The following UBE2D2 variants were observed in gnomAD, a reference collection of about 807,000 sequenced individuals.
UBE2D2 encodes the protein ubiquitin-conjugating enzyme E2 D2.
UBE2D2 carries 2 observed loss-of-function variants against 24.2 expected under a neutral mutation model. That is an observed-to-expected ratio of 0.08 (90% CI 0.03 to 0.26). The LOEUF is 0.26. UBE2D2 is among the 10% of genes least tolerant of loss of function. The probability of loss-of-function intolerance (pLI) is 1.00; values close to 1 mark genes in which losing one functional copy is unlikely to be tolerated. For missense variants in UBE2D2, 44 were observed against 177.6 expected (o/e 0.25, Z 4.28); for synonymous variants, 58 against 56.5 (o/e 1.03, Z -0.12).
At chr5:139,604,140 C>CT (rs558742235) in intron 2 of UBE2D2, among the ~76,000 whole-genome samples, 1,729 of 140,290 alleles carry the variant, frequency 0.012, 21 homozygotes, top group African/African-American at 0.033. Context: ...ATTTTTAAAA[C>CT]TTTTTTTTTT....
intron 1 of UBE2D2, among the ~76,000 whole-genome samples, chr5:139,585,935 C>CAAAAA (rs60277561): frequency 7.0e-4 from 18 of 25,560 alleles, no homozygotes; most frequent in Admixed American, 1.4e-3. Context: ...GACTCTGTCT[C>CAAAAA]AAAAAAAAAA....
intron 5 of UBE2D2, among the ~76,000 whole-genome samples, chr5:139,615,515 G>A (rs1754404784): frequency 6.6e-6 from 1 of 151,996 alleles, no homozygotes; most frequent in Non-Finnish European, 1.5e-5. Context: ...ACACTGGTAT[G>A]AATGTTTTTT....
chr5:139,619,347 C>T (rs1031183333), intron 5 of UBE2D2, among the ~76,000 whole-genome samples: 8 of 148,430 alleles, frequency 5.4e-5, no homozygotes, highest in Non-Finnish European at 1.0e-4. Flanking sequence ...AGTGAGCCAA[C>T]ATCACACCAC....
Position 139,628,048 on chromosome 5 carries a change from G to C in UBE2D2, c.*1247G>C, listed in dbSNP as rs1754667398. The C allele has an allele frequency of 6.6e-6, 1 of 152,632 alleles. No individual in the cohort carries two copies. The highest frequency in any genetic ancestry group is 1.9e-4 in the East Asian group (1 of 5,202). 9.5% of individuals were successfully genotyped at this position (152,632 alleles called of 1,614,324 possible). A position where few individuals can be genotyped will look rare whatever the true frequency, so the allele number is the denominator to read the frequency against. ...GAGGCATTGCTATTTGGTAAGTTAA[G>C]CTTCTGTGATTGTAATTATAAAAGA... On this transcript the variant is annotated 3_prime_UTR_variant, in exon 7 of 7. Transcript: ENST00000398733.
intron 5 of UBE2D2, among the ~76,000 whole-genome samples, chr5:139,615,815 T>C (rs988969283): frequency 6.6e-5 from 10 of 151,358 alleles, no homozygotes; most frequent in African/African-American, 2.4e-4. Flanking sequence ...CACAGTTGCG[T>C]TACAATAATC....
intron 5 of UBE2D2, among the ~76,000 whole-genome samples, chr5:139,615,812 G>A (rs1035889628): frequency 7.4e-5 from 11 of 148,786 alleles, no homozygotes; most frequent in Non-Finnish European, 1.5e-4. Flanking sequence ...AATCACAGTT[G>A]CGTTACAATA....
chr5:139,584,723 G>A (rs1287486700), intron 1 of UBE2D2, among the ~76,000 whole-genome samples: 2 of 151,180 alleles, frequency 1.3e-5, no homozygotes, highest in South Asian at 2.1e-4. Context: ...AGCAGAGACC[G>A]GGTTTCACCA....
Position 139,614,876 on chromosome 5 carries a change from A to C in UBE2D2, c.214A>C (p.Arg72=). The C allele has an allele frequency of 1.9e-6, 3 of 1,613,948 alleles. No individual in the cohort carries two copies. Among genetic ancestry groups the C allele is most frequent in the Non-Finnish European group, 2.5e-6 (3 of 1,179,942 alleles). ...CTTTCTGTAGGTTGCATTTACAACA[A>C]GAATTTATCATCCAAATATTAACAG... ...FKPPKVAFTT[R]IYHPNINSNG... The change falls in exon 5 of 7, where the codon AGA becomes CGA. Residue 72 remains arginine, a synonymous_variant. Transcript: ENST00000398733.
chr5:139,574,079 TTCTC>T (rs1383627630), intron 1 of UBE2D2, among the ~76,000 whole-genome samples: 3 of 151,480 alleles, frequency 2.0e-5, no homozygotes, highest in Non-Finnish European at 2.9e-5. Flanking sequence ...ATTAAATAAC[TTCTC>T]TCTTTTTTTT....
upstream of UBE2D2, among the ~76,000 whole-genome samples, chr5:139,559,405 G>A (rs1009691659): frequency 2.7e-5 from 4 of 149,918 alleles, no homozygotes; most frequent in Admixed American, 6.7e-5. Context: ...CAGCCTGGGC[G>A]ACAGAGTGAG....
intron 1 of UBE2D2, among the ~76,000 whole-genome samples, chr5:139,546,817 T>TCTTCCTTCCTTCCTTCCTTC (rs59929319): frequency 4.3e-5 from 6 of 138,302 alleles, no homozygotes; most frequent in African/African-American, 1.1e-4. Context: ...CTTCTTTCTT[T>TCTTCCTTCCTTCCTTCCTTC]CTTCCTTCCT....
At chr5:139,620,674 A>G (rs1378206555) in intron 5 of UBE2D2, among the ~76,000 whole-genome samples, 1 of 152,206 alleles carries the variant, frequency 6.6e-6, no homozygotes, top group African/African-American at 2.4e-5. Context: ...AGGGCATGCC[A>G]ACTATTTCTT....
rs181220273 is a variant in UBE2D2, at chr5:139,587,243, C to T, written c.25-13129C>T. 7.7e-3 allele frequency among the ~76,000 whole-genome samples: 1,176 copies of T among 152,224 alleles called. 8 individuals carry two copies. Among genetic ancestry groups the T allele is most frequent in the Middle Eastern group, 0.041 (12 of 294 alleles). On this transcript the variant is annotated intron_variant, in intron 1 of 6. Transcript: ENST00000398733. ...CAGGAACAATGGCAAGCCTTTAGCC[C>T]AATCGGGAGTGGCAATGGGTGCCTC...
At chr5:139,527,186 G>A (rs371276840) in intron 1 of UBE2D2, among the ~76,000 whole-genome samples, 37 of 152,272 alleles carry the variant, frequency 2.4e-4, no homozygotes, top group African/African-American at 7.9e-4. Context: ...AAAGCCTGGA[G>A]AGGTCCCTTG....
chr5:139,591,028 C>T (rs1753836149), intron 1 of UBE2D2, among the ~76,000 whole-genome samples: 1 of 150,488 alleles, frequency 6.6e-6, no homozygotes, highest in South Asian at 2.1e-4. Context: ...AACTCCTGAC[C>T]TCAGGTGATC....
intron 1 of UBE2D2, among the ~76,000 whole-genome samples, chr5:139,565,828 G>C (rs1040684019): frequency 5.3e-5 from 8 of 152,116 alleles, no homozygotes; most frequent in African/African-American, 1.7e-4. Context: ...AGGGTAAAAG[G>C]CTAAATAAAT....
chr5:139,548,466 A>G (rs890716118), intron 1 of UBE2D2, among the ~76,000 whole-genome samples: 1 of 152,042 alleles, frequency 6.6e-6, no homozygotes, highest in Non-Finnish European at 1.5e-5. Flanking sequence ...CATCCCAGCC[A>G]CAAGATCACA....
At chr5:139,579,439 G>A (rs1228934895) in intron 1 of UBE2D2, among the ~76,000 whole-genome samples, 1 of 152,096 alleles carries the variant, frequency 6.6e-6, no homozygotes, top group Non-Finnish European at 1.5e-5. Flanking sequence ...GAACCACTGT[G>A]CCTGGCCTAA....
intron 2 of UBE2D2, among the ~76,000 whole-genome samples, chr5:139,608,719 A>G (rs1754249490): frequency 6.6e-6 from 1 of 152,254 alleles, no homozygotes; most frequent in African/African-American, 2.4e-5. Flanking sequence ...TTGATCCCAC[A>G]GCCTATTTGT....
Sources: gnomAD v4.1 joint callset for allele counts (sites outside exome capture counted in the v4.1 genomes callset) on GRCh38, gnomAD v4.1.1 for gene constraint, MANE v1.5 for transcripts, NCBI Gene and HGNC (gene_info 2026-07-23, HGNC 2026-07-21) for gene names.